The following SGCZ variants were observed in gnomAD, a reference collection of about 807,000 sequenced individuals.
SGCZ encodes the protein zeta-sarcoglycan.
In SGCZ, 40 loss-of-function variants were observed where a neutral mutation model predicts 41.3. The ratio of observed to expected loss-of-function variants is 0.97; its 90% CI spans 0.75 to 1.26. The LOEUF is 1.26. Ranked by LOEUF, SGCZ falls within the 50% of genes most tolerant of loss-of-function variation. The pLI is 0.00. For synonymous variants in SGCZ, 206 were observed against 137.5 expected, an observed-to-expected ratio of 1.50 and a Z score of -3.49; for missense variants, 552 against 369.8, an observed-to-expected ratio of 1.49 and a Z score of -4.04.
intron 2 of SGCZ, among the ~76,000 whole-genome samples, chr8:14,478,164 T>C (rs1325236601): frequency 6.6e-6 from 1 of 152,350 alleles, no homozygotes; most frequent in Middle Eastern, 3.4e-3. Flanking sequence ...CATAATCTTA[T>C]CATATAATCT....
intron 1 of SGCZ, among the ~76,000 whole-genome samples, chr8:14,651,719 T>A (rs118026587): frequency 2.6e-5 from 4 of 152,016 alleles, no homozygotes; most frequent in Non-Finnish European, 5.9e-5. Context: ...GTCTTTAGCC[T>A]CTCATCTTGC....
chr8:14,725,714 A>G (rs1245459030), intron 1 of SGCZ, among the ~76,000 whole-genome samples: 3 of 152,198 alleles, frequency 2.0e-5, no homozygotes, highest in Non-Finnish European at 4.4e-5. Context: ...TATCAAGGGA[A>G]ATAGAGAAGG....
At chr8:14,356,253 C>T (rs1803289477) in intron 2 of SGCZ, among the ~76,000 whole-genome samples, 1 of 152,156 alleles carries the variant, frequency 6.6e-6, no homozygotes, top group Admixed American at 6.5e-5. Context: ...ATGATATTTT[C>T]AACTTAACAG....
chr8:14,457,393 G>T (rs1800777539), intron 2 of SGCZ, among the ~76,000 whole-genome samples: 1 of 152,210 alleles, frequency 6.6e-6, no homozygotes. Context: ...AGCAAAAGGT[G>T]TCAAGGAACA....
At chr8:14,835,305 TA>T (rs1365889889) in intron 1 of SGCZ, among the ~76,000 whole-genome samples, 6 of 152,324 alleles carry the variant, frequency 3.9e-5, no homozygotes, top group African/African-American at 1.4e-4. Context: ...GGATTCCAAA[TA>T]AATACTAATA....
At chr8:14,938,949 T>C (rs543798560) in intron 1 of SGCZ, among the ~76,000 whole-genome samples, 1 of 152,248 alleles carries the variant, frequency 6.6e-6, no homozygotes, top group East Asian at 1.9e-4. Context: ...TACTGCATTA[T>C]TTTCTGCTAA....
intron 1 of SGCZ, among the ~76,000 whole-genome samples, chr8:14,580,858 G>A (rs563398148): frequency 2.6e-5 from 4 of 152,260 alleles, no homozygotes; most frequent in East Asian, 3.9e-4. Flanking sequence ...AGGCTCCAGC[G>A]ATAGAAACAT....
intron 1 of SGCZ, among the ~76,000 whole-genome samples, chr8:14,729,689 A>C (rs1810168885): frequency 1.3e-5 from 2 of 152,004 alleles, no homozygotes; most frequent in Admixed American, 1.3e-4. Flanking sequence ...TCTGTTGTTT[A>C]AGTAACCTAG....
intron 1 of SGCZ, among the ~76,000 whole-genome samples, chr8:14,974,797 C>G (rs1016429773): frequency 6.1e-5 from 8 of 130,618 alleles, no homozygotes; most frequent in Non-Finnish European, 1.3e-4. Context: ...TACTTGGAAA[C>G]AAAATTACTT....
intron 2 of SGCZ, among the ~76,000 whole-genome samples, chr8:14,436,067 A>T (rs1328862073): frequency 6.6e-6 from 1 of 152,192 alleles, no homozygotes. Flanking sequence ...ATGATGAGAG[A>T]TGTGGCGTTG....
chr8:14,111,592 T>G (rs1802373686), intron 5 of SGCZ, among the ~76,000 whole-genome samples: 1 of 152,204 alleles, frequency 6.6e-6, no homozygotes, highest in Admixed American at 6.5e-5. Flanking sequence ...CAACACTGCT[T>G]GATTATAAAA....
chr8:14,982,575 C>T (rs1412190486), intron 1 of SGCZ, among the ~76,000 whole-genome samples: 1 of 152,174 alleles, frequency 6.6e-6, no homozygotes, highest in African/African-American at 2.4e-5. Flanking sequence ...CTCCTCTCTC[C>T]TCATTTAAAC....
chr8:14,926,168 T>C (rs952423810), intron 1 of SGCZ, among the ~76,000 whole-genome samples: 5 of 152,184 alleles, frequency 3.3e-5, no homozygotes, highest in African/African-American at 1.2e-4. Flanking sequence ...TTCAGCAACA[T>C]AGATATTAAT....
At chr8:15,217,546 A>C (rs1412750061) in intron 1 of SGCZ, among the ~76,000 whole-genome samples, 2 of 151,956 alleles carry the variant, frequency 1.3e-5, no homozygotes, top group Non-Finnish European at 2.9e-5. Flanking sequence ...AATTATACCA[A>C]TCTAGGAGGG....
chr8:14,227,815 T>C (rs1456829581), intron 4 of SGCZ, among the ~76,000 whole-genome samples: 1 of 152,088 alleles, frequency 6.6e-6, no homozygotes, highest in East Asian at 1.9e-4. Context: ...ATATGCATTA[T>C]CTGACTTGGA....
chr8:14,518,184 C>T (rs552253587), intron 2 of SGCZ, among the ~76,000 whole-genome samples: 4 of 151,790 alleles, frequency 2.6e-5, no homozygotes, highest in South Asian at 4.2e-4. Context: ...TAAAATACTT[C>T]GTAAGGGAAG....
chr8:15,186,262 C>CAAAAAAAAAAAAAAAA (rs61237091), intron 1 of SGCZ, among the ~76,000 whole-genome samples: 23 of 80,708 alleles, frequency 2.8e-4, no homozygotes, highest in East Asian at 9.3e-4. Context: ...GATTCCGTAC[C>CAAAAAAAAAAAAAAAA]AAAAAAAAAA....
chr8:15,089,904 G>A (rs1377617041), intron 1 of SGCZ, among the ~76,000 whole-genome samples: 1 of 152,148 alleles, frequency 6.6e-6, no homozygotes, highest in African/African-American at 2.4e-5. Flanking sequence ...TAATGAGAAA[G>A]AACAATCAAG....
At chr8:14,278,485 T>G (rs539269573) in intron 3 of SGCZ, among the ~76,000 whole-genome samples, 1 of 152,152 alleles carries the variant, frequency 6.6e-6, no homozygotes, top group Non-Finnish European at 1.5e-5. Flanking sequence ...AGAGAAGCCA[T>G]GTTGTGAGAT....
Sources: allele counts gnomAD v4.1 joint callset (sites outside exome capture counted in the v4.1 genomes callset), GRCh38; gene constraint gnomAD v4.1.1; transcripts MANE v1.5; gene names NCBI Gene and HGNC (gene_info 2026-07-23, HGNC 2026-07-21).